Variants in NEDD9 observed in about 807,000 individuals in gnomAD.
NEDD9 encodes the protein neural precursor cell expressed, developmentally down-regulated 9, also known as enhancer of filamentation 1.
NEDD9 carries 26 observed loss-of-function variants against 76.6 expected under a neutral mutation model. That is an observed-to-expected ratio of 0.34 (90% CI 0.25 to 0.47). The LOEUF (loss-of-function observed/expected upper bound fraction) is 0.47, where lower values mean the gene tolerates loss of function less well. Among genes scored for constraint, NEDD9 ranks in the 20% least tolerant of loss-of-function variants. The pLI is 1.00. For missense variants in NEDD9, 937 were observed against 1,058.5 expected, an observed-to-expected ratio of 0.89 and a Z score of 1.59; for synonymous variants, 392 against 414.2, an observed-to-expected ratio of 0.95 and a Z score of 0.65.
At chr6:11,306,148 T>C (rs16871239) in exon 3 of NEDD9, 68,173 of 932,478 alleles carry the variant, frequency 0.073, 3,390 homozygotes, top group Admixed American at 0.2. Context: ...CCTCACAGCT[T>C]ACTGAATCTG....
intron 3 of NEDD9, among the ~76,000 whole-genome samples, chr6:11,262,886 G>C (rs1276411243): frequency 6.6e-6 from 1 of 152,208 alleles, no homozygotes. Flanking sequence ...ACATTAAAGT[G>C]TAAATTCTGG....
chr6:11,325,296 A>C (rs183802637), intron 2 of NEDD9, among the ~76,000 whole-genome samples: 38 of 151,844 alleles, frequency 2.5e-4, no homozygotes, highest in African/African-American at 8.9e-4. Context: ...CAGAGGTTGC[A>C]GTGAACTGAG....
chr6:11,249,909 G>T (rs1317699697), intron 3 of NEDD9, among the ~76,000 whole-genome samples: 1 of 152,180 alleles, frequency 6.6e-6, no homozygotes, highest in Non-Finnish European at 1.5e-5. Context: ...TACACACGTG[G>T]TGAGTGTGGA....
At chr6:11,197,053 C>T (rs1313551905) in intron 2 of NEDD9, among the ~76,000 whole-genome samples, 1 of 152,136 alleles carries the variant, frequency 6.6e-6, no homozygotes, top group East Asian at 1.9e-4. Flanking sequence ...GATCTCTCCT[C>T]ATTCCACCTC....
intron 2 of NEDD9, among the ~76,000 whole-genome samples, chr6:11,331,991 A>T (rs558553680): frequency 6.6e-6 from 1 of 152,328 alleles, no homozygotes; most frequent in South Asian, 2.1e-4. Flanking sequence ...ATGGCTGATT[A>T]TTGGGTCAAC....
At chr6:11,192,060 C>A (rs1034677033) in intron 4 of NEDD9, among the ~76,000 whole-genome samples, 1 of 152,150 alleles carries the variant, frequency 6.6e-6, no homozygotes, top group Non-Finnish European at 1.5e-5. Flanking sequence ...TAGTACTTGC[C>A]AAACTGAACT....
intron 1 of NEDD9, among the ~76,000 whole-genome samples, chr6:11,346,625 T>C (rs1762371192): frequency 6.6e-6 from 1 of 152,178 alleles, no homozygotes; most frequent in Non-Finnish European, 1.5e-5. Context: ...TGGTCTGGAC[T>C]CTCATCGGGG....
At chr6:11,296,412 G>A (rs1465689448) in intron 3 of NEDD9, among the ~76,000 whole-genome samples, 1 of 152,130 alleles carries the variant, frequency 6.6e-6, no homozygotes, top group East Asian at 1.9e-4. Flanking sequence ...ACTACATAGT[G>A]TTTTCATATT....
chr6:11,259,935 A>ACACACACACACACAC (rs139640152), intron 3 of NEDD9, among the ~76,000 whole-genome samples: 3 of 142,508 alleles, frequency 2.1e-5, no homozygotes, highest in South Asian at 2.4e-4. Flanking sequence ...CTGCGCCCTT[A>ACACACACACACACAC]ACACACACAC....
rs1439789755 is a variant in NEDD9 at position 11,366,298 on chromosome 6, A to AAGGAAGGAAGGAAGGAAG, written c.-214+15840_-214+15841insCTTCCTTCCTTCCTTCCT. Among the ~76,000 whole-genome samples the AAGGAAGGAAGGAAGGAAG allele has an allele frequency of 9.3e-3, 882 of 94,792 alleles. 2 individuals are homozygous for AAGGAAGGAAGGAAGGAAG. The highest frequency in any genetic ancestry group is 9.3e-3 in the African/African-American group (199 of 21,378). 62.2% of individuals were successfully genotyped at this position (94,792 alleles called of 152,430 possible). ...AGGAAGGAAGGAAGGAAGGAAGGAA[A>AAGGAAGGAAGGAAGGAAG]GAAAGAAAGAAAGAGAAAGAAAGAA... is the stretch of plus-strand genomic sequence containing the variant. On this transcript the variant is annotated intron_variant, in intron 1 of 3. Transcript: ENST00000397378.
At chr6:11,309,146 T>A (rs183286699) in intron 2 of NEDD9, among the ~76,000 whole-genome samples, 5 of 152,354 alleles carry the variant, frequency 3.3e-5, no homozygotes, top group African/African-American at 1.2e-4. Flanking sequence ...AAACTTTGGA[T>A]AAATGGATCA....
At chr6:11,232,265 T>C (rs886081865) in intron 1 of NEDD9, among the ~76,000 whole-genome samples, 11 of 152,164 alleles carry the variant, frequency 7.2e-5, no homozygotes, top group Admixed American at 7.2e-4. Flanking sequence ...CACCGAGGTA[T>C]TTCCCCGGCA....
At chr6:11,236,398 A>T (rs375520247), upstream of NEDD9, among the ~76,000 whole-genome samples, 107 of 152,342 alleles carry the variant, frequency 7.0e-4, no homozygotes, top group African/African-American at 2.2e-3. The surrounding 1 kb of genome is among the most constrained non-coding windows in gnomAD (Gnocchi z 5.5). Flanking sequence ...TCCAGCTGCA[A>T]CTGGGCACTG....
At chr6:11,240,243 T>G (rs1759686613) in intron 3 of NEDD9, among the ~76,000 whole-genome samples, 1 of 151,986 alleles carries the variant, frequency 6.6e-6, no homozygotes, top group Non-Finnish European at 1.5e-5. Context: ...CTCTAGATCT[T>G]CTAGGTTACA....
chr6:11,282,234 C>T (rs1760551722), intron 3 of NEDD9, among the ~76,000 whole-genome samples: 1 of 152,238 alleles, frequency 6.6e-6, no homozygotes, highest in Non-Finnish European at 1.5e-5. Context: ...CTCTCAGCGA[C>T]TTTTGCTCAC....
chr6:11,355,823 C>T (rs985160571), intron 1 of NEDD9, among the ~76,000 whole-genome samples: 16 of 152,168 alleles, frequency 1.1e-4, no homozygotes, highest in Non-Finnish European at 1.9e-4. Context: ...TGTGTTCACA[C>T]CATTCTCCTG....
intron 3 of NEDD9, among the ~76,000 whole-genome samples, chr6:11,296,910 G>A (rs1398453275): frequency 6.6e-6 from 1 of 152,030 alleles, no homozygotes; most frequent in Non-Finnish European, 1.5e-5. Flanking sequence ...TGTATTTTTA[G>A]TAGAGACATG....
At chr6:11,205,777 A>T (rs547029912) in intron 2 of NEDD9, among the ~76,000 whole-genome samples, 12 of 152,162 alleles carry the variant, frequency 7.9e-5, no homozygotes, top group Middle Eastern at 3.4e-3. Context: ...ACAGGCATGC[A>T]CCACCATGCC....
At chr6:11,244,272 CACACGTGTGTGCACGCACACACACACAT>C (rs1221914893) in intron 3 of NEDD9, among the ~76,000 whole-genome samples, 2 of 151,134 alleles carry the variant, frequency 1.3e-5, no homozygotes, top group African/African-American at 2.5e-5. Context: ...CACACACACA[CACACGTGTGTGCACGCACACACACACAT>C]AGATACACAC....
Sources: allele counts gnomAD v4.1 joint callset (sites outside exome capture counted in the v4.1 genomes callset), GRCh38; gene constraint gnomAD v4.1.1; non-coding constraint Gnocchi (gnomAD v3.1); transcripts MANE v1.5; gene names NCBI Gene and HGNC (gene_info 2026-07-23, HGNC 2026-07-21).